The following ITSN1 variants were observed in gnomAD, a reference collection of about 807,000 sequenced individuals.
The protein encoded by ITSN1 is intersectin-1.
Under a neutral mutation model 239.8 loss-of-function variants are expected in ITSN1, and 58 were observed. The observed-to-expected ratio is 0.24, with a 90% CI of 0.20 to 0.30. The LOEUF (loss-of-function observed/expected upper bound fraction) is 0.30, where lower values mean the gene tolerates loss of function less well. Ranked by LOEUF, ITSN1 falls within the 10% of genes least tolerant of loss-of-function variation. The probability of loss-of-function intolerance (pLI) is 1.00; values close to 1 mark genes in which losing one functional copy is unlikely to be tolerated. For missense variants in ITSN1, 1,558 were observed against 2,103.3 expected, an observed-to-expected ratio of 0.74 and a Z score of 5.07; for synonymous variants, 780 against 770.8, an observed-to-expected ratio of 1.01 and a Z score of -0.20.
intron 29 of ITSN1, among the ~76,000 whole-genome samples, chr21:33,851,415 T>C (rs1249527270): frequency 2.0e-5 from 3 of 152,062 alleles, no homozygotes; most frequent in East Asian, 3.9e-4. Context: ...TCTTTTTTTT[T>C]TGAGACAGAG....
rs537084162 is a variant in ITSN1 at position 33,831,284 on chromosome 21, G to A, written c.3351+1539G>A. 3.9e-4 allele frequency among the ~76,000 whole-genome samples: 60 copies of A among 152,306 alleles called. No individual in the cohort carries two copies. The South Asian group carries it at 0.01, about 26-fold the overall frequency. ...GGAAGGACTGAATTTTCCAGCAGCC[G>A]TCCGTCTCTCTGGCGTTTGTTGAAC... On this transcript the variant is annotated intron_variant, in intron 27 of 39. Transcript: ENST00000381318.
At chr21:33,844,986 A>G (rs1286982886) in intron 29 of ITSN1, among the ~76,000 whole-genome samples, 1 of 151,970 alleles carries the variant, frequency 6.6e-6, no homozygotes, top group Non-Finnish European at 1.5e-5. Flanking sequence ...TGAGCCCAGG[A>G]GGGACCCAGT....
At chr21:33,817,111 T>C (rs1430943182) in intron 22 of ITSN1, 3 of 1,146,054 alleles carry the variant, frequency 2.6e-6, no homozygotes, top group African/African-American at 1.6e-5. Context: ...CTTTTGTTCT[T>C]GTCCATTCAT....
intron 1 of ITSN1, among the ~76,000 whole-genome samples, chr21:33,673,805 T>G (rs1356343685): frequency 6.6e-6 from 1 of 152,218 alleles, no homozygotes; most frequent in Non-Finnish European, 1.5e-5. Context: ...GCAGAAAATT[T>G]GCTATTGGTG....
chr21:33,833,659 A>T (rs565716288), intron 27 of ITSN1, among the ~76,000 whole-genome samples: 9 of 152,320 alleles, frequency 5.9e-5, no homozygotes, highest in African/African-American at 2.2e-4. Flanking sequence ...CGAGGTCAAG[A>T]GATCGAGACC....
chr21:33,695,285 A>G (rs1601686227), intron 1 of ITSN1, among the ~76,000 whole-genome samples: 3 of 152,362 alleles, frequency 2.0e-5, no homozygotes, highest in African/African-American at 7.2e-5. Context: ...TCCTTGTGGT[A>G]AACTTTCTGA....
chr21:33,868,303 CGCGCCAT>C (rs770639530), intron 33 of ITSN1, among the ~76,000 whole-genome samples: 52 of 152,258 alleles, frequency 3.4e-4, no homozygotes, highest in Non-Finnish European at 5.6e-4. Context: ...CTGCCAGTCT[CGCGCCAT>C]GCACTCGCAC....
At chr21:33,805,126 T>C (rs1181653121) in intron 20 of ITSN1, among the ~76,000 whole-genome samples, 1 of 152,258 alleles carries the variant, frequency 6.6e-6, no homozygotes, top group East Asian at 1.9e-4. Flanking sequence ...CAGGTGGTTC[T>C]GTTAGGTAGT....
Position 33,888,493 on chromosome 21 carries a change from T to C in ITSN1, c.*193T>C. 1 of 598,198 alleles carries C rather than the reference T, an allele frequency of 1.7e-6. No homozygotes were observed. Among genetic ancestry groups the C allele is most frequent in the Non-Finnish European group, 2.9e-6 (1 of 347,086 alleles). 37.1% of individuals were successfully genotyped at this position (598,198 alleles called of 1,614,324 possible). ...CCCTGCCCCGAAACAATTTCCTGTT[T>C]CATGAAACAAAGCTGTGTTTTCCTT... On this transcript the variant is annotated 3_prime_UTR_variant, in exon 40 of 40. Transcript: ENST00000381318.
intron 20 of ITSN1, among the ~76,000 whole-genome samples, chr21:33,803,715 T>A (rs1204626757): frequency 6.6e-6 from 1 of 152,240 alleles, no homozygotes; most frequent in African/African-American, 2.4e-5. Context: ...TTTTCATTTT[T>A]ATAAATGTAT....
chr21:33,826,221 ACT>A (rs368264894), intron 25 of ITSN1, among the ~76,000 whole-genome samples: 22 of 152,258 alleles, frequency 1.4e-4, no homozygotes, highest in African/African-American at 5.1e-4. Context: ...CAATGTATAA[ACT>A]CTGTGAAATT....
At chr21:33,846,980 C>T (rs2075008276) in intron 29 of ITSN1, among the ~76,000 whole-genome samples, 1 of 152,218 alleles carries the variant, frequency 6.6e-6, no homozygotes, top group Non-Finnish European at 1.5e-5. Flanking sequence ...GTCTCCCCTA[C>T]CAAAATGGAA....
intron 29 of ITSN1, among the ~76,000 whole-genome samples, chr21:33,854,837 C>T (rs1649428503): frequency 6.6e-6 from 1 of 152,174 alleles, no homozygotes; most frequent in Admixed American, 6.5e-5. Flanking sequence ...TGCTTGACCT[C>T]AGGGCAGGGG....
At chr21:33,859,075 G>T (rs191137167) in intron 31 of ITSN1, among the ~76,000 whole-genome samples, 3 of 149,240 alleles carry the variant, frequency 2.0e-5, no homozygotes, top group Non-Finnish European at 4.4e-5. Context: ...CTAGGGCGAC[G>T]CTGGCTCCTG....
intron 36 of ITSN1, among the ~76,000 whole-genome samples, chr21:33,884,674 G>C (rs566691866): frequency 3.3e-5 from 5 of 152,190 alleles, no homozygotes; most frequent in Non-Finnish European, 5.9e-5. Flanking sequence ...CTTTCTTTGC[G>C]TGATTTCATA....
intron 31 of ITSN1, 61 bp downstream of exon 31, chr21:33,858,853 C>T (rs1176733791): frequency 1.1e-6 from 1 of 909,284 alleles, no homozygotes; most frequent in Non-Finnish European, 1.8e-6. Context: ...GCACTCGCAC[C>T]TCTGTGGGTC....
At position 33,797,261 on chromosome 21, in the gene ITSN1, A is replaced by C; in HGVS notation, c.1953-118A>C. ...GATTCAGTTGCCCCATCTGAACAAC[A>C]ATGTTCCCTTGATGTTCCCATCCCA... On this transcript the variant is annotated intron_variant, in intron 17 of 39. Transcript: ENST00000381318. The surrounding 1 kb of genome is among the most constrained non-coding windows in gnomAD (Gnocchi z 4.9). 2 of 780,338 alleles carry C rather than the reference A, an allele frequency of 2.6e-6. No homozygotes were observed. Among genetic ancestry groups the C allele is most frequent in the Non-Finnish European group, 4.3e-6 (2 of 461,434 alleles). 48.3% of individuals were successfully genotyped at this position (780,338 alleles called of 1,614,324 possible).
chr21:33,723,605 C>G, intron 4 of ITSN1, among the ~76,000 whole-genome samples: 1 of 152,012 alleles, frequency 6.6e-6, no homozygotes, highest in East Asian at 1.9e-4. Context: ...CAGAGCGAGA[C>G]TCCGTCTCCA....
chr21:33,886,228 A>AG (rs1335260186), intron 38 of ITSN1, 59 bp from the exon 39 acceptor site: 1 of 1,314,474 alleles, frequency 7.6e-7, no homozygotes, highest in African/African-American at 1.5e-5. Flanking sequence ...AAAAAAAAAA[A>AG]GAGTGGAGAT....
Sources: allele counts gnomAD v4.1 joint callset (sites outside exome capture counted in the v4.1 genomes callset), GRCh38; gene constraint gnomAD v4.1.1; non-coding constraint Gnocchi (gnomAD v3.1); transcripts MANE v1.5; gene names NCBI Gene and HGNC (gene_info 2026-07-23, HGNC 2026-07-21).